The following PITPNM2 variants were observed in gnomAD, a reference collection of about 807,000 sequenced individuals.
PITPNM2 encodes the protein phosphatidylinositol transfer protein membrane associated 2.
A neutral mutation model predicts 132.2 loss-of-function variants in PITPNM2; 35 were observed. That is an observed-to-expected ratio of 0.26 (90% CI 0.20 to 0.35). PITPNM2 has a LOEUF of 0.35. Ranked by LOEUF, PITPNM2 falls within the 10% of genes least tolerant of loss-of-function variation. PITPNM2 has a pLI of 1.00. For missense variants in PITPNM2, 1,332 were observed against 1,912.0 expected, an observed-to-expected ratio of 0.70 and a Z score of 5.66; for synonymous variants, 738 against 799.2, an observed-to-expected ratio of 0.92 and a Z score of 1.29.
chr12:123,137,991 G>A (rs745985787), intron 1 of PITPNM2, among the ~76,000 whole-genome samples: 2 of 152,040 alleles, frequency 1.3e-5, no homozygotes, highest in Non-Finnish European at 2.9e-5. Context: ...TGATGTCTCT[G>A]GGTCCCTAAA....
Position 123,117,304 on chromosome 12 carries a change from G to A in PITPNM2, c.-199-6816C>T, listed in dbSNP as rs1331196021. 3.3e-5 allele frequency among the ~76,000 whole-genome samples: 5 copies of A among 152,198 alleles called. No individual in the cohort carries two copies. Among genetic ancestry groups the A allele is most frequent in the South Asian group, 2.1e-4 (1 of 4,826 alleles). ...TTTCTCCAGTGATCCTACGGAGTAA[G>A]CTGGCCATCAGATGATCAACTCAAG... On this transcript the variant is annotated intron_variant, in intron 1 of 25. Transcript: ENST00000320201. The surrounding 1 kb of genome is among the most constrained non-coding windows in gnomAD (Gnocchi z 4.7).
intron 2 of PITPNM2, among the ~76,000 whole-genome samples, chr12:123,073,689 C>T (rs527799885): frequency 1.3e-5 from 2 of 152,344 alleles, no homozygotes; most frequent in South Asian, 4.1e-4. Flanking sequence ...AAGGGAGCCA[C>T]TCTGCTCCTA....
In PITPNM2 at chr12:123,095,214, G is replaced by A. The variant is rs542214139; in HGVS notation, c.-96+15171C>T. On this transcript the variant is annotated intron_variant, in intron 2 of 25. Transcript: ENST00000320201. The surrounding 1 kb of genome is among the most constrained non-coding windows in gnomAD (Gnocchi z 5.0). ...GAATGGGCTGCTCCCCTGGGGAGTC[G>A]GTTATCTCTGCTCCAGACCCTGGCT... Among the ~76,000 whole-genome samples the A allele has an allele frequency of 3.2e-4, 49 of 152,190 alleles. No individual in the cohort carries two copies. Among genetic ancestry groups the A allele is most frequent in the African/African-American group, 1.1e-3 (44 of 41,522 alleles).
Position 123,058,191 on chromosome 12 carries a change from G to A in PITPNM2, c.-95-23506C>T, listed in dbSNP as rs1023373992. Among the ~76,000 whole-genome samples, 3 of 152,226 alleles carry A rather than the reference G, an allele frequency of 2.0e-5. No homozygotes were observed. The highest frequency in any genetic ancestry group is 4.4e-5 in the Non-Finnish European group (3 of 68,040). ...ACAATTCAGCCAAGGTTGTAGGGCTGCCAGGGAGGTGGTCAGGGTGTATAC... is the reference window on the plus strand; with the variant it reads ...ACAATTCAGCCAAGGTTGTAGGGCTACCAGGGAGGTGGTCAGGGTGTATAC... On this transcript the variant is annotated intron_variant, in intron 2 of 25. Coordinates refer to ENST00000320201, the MANE Select transcript of PITPNM2 (RefSeq NM_020845.3). The surrounding 1 kb of genome is among the most constrained non-coding windows in gnomAD (Gnocchi z 4.0).
At chr12:123,017,271 G>C (rs2039464126) in intron 3 of PITPNM2, among the ~76,000 whole-genome samples, 3 of 151,424 alleles carry the variant, frequency 2.0e-5, no homozygotes. Flanking sequence ...TATTTGGGAG[G>C]CTGAGGCAGG....
At chr12:123,118,743 C>T (rs2042977731) in intron 1 of PITPNM2, among the ~76,000 whole-genome samples, 1 of 152,222 alleles carries the variant, frequency 6.6e-6, no homozygotes, top group African/African-American at 2.4e-5. Context: ...TGCGGCCTGA[C>T]TGGCTCTTAA....
rs962573536 is a variant in PITPNM2, at chr12:123,001,229, C to T, written c.1049-71G>A. On this transcript the variant is annotated intron_variant, in intron 8 of 25. Transcript: ENST00000320201. ...GAAGCCTGGCTTCCCGAGGTGGGGA[C>T]GCCCCTGTGTACGGCTCTGCTCTGA... The T allele has an allele frequency of 8.2e-5, 100 of 1,226,196 alleles. No homozygotes were observed. The African/African-American group carries it at 9.8e-4, about 12-fold the overall frequency. 76.0% of individuals were successfully genotyped at this position (1,226,196 alleles called of 1,614,324 possible).
In PITPNM2 at chr12:123,018,592, G is replaced by A. The variant is rs563752513; in HGVS notation, c.79-4550C>T. Among the ~76,000 whole-genome samples the A allele has an allele frequency of 5.3e-5, 8 of 151,622 alleles. No homozygotes were observed. In the South Asian group the frequency reaches 1.7e-3, roughly 32 times the overall value. On this transcript the variant is annotated intron_variant, in intron 3 of 25. Coordinates refer to ENST00000320201, the MANE Select transcript of PITPNM2 (RefSeq NM_020845.3). ...TGGGATTACAGGCATGAGCCACTAC[G>A]CCCAGACATGCTCAACTAATTAAAA... is the stretch of plus-strand genomic sequence containing the variant.
chr12:123,070,491 C>T (rs752383077), intron 2 of PITPNM2, among the ~76,000 whole-genome samples: 3 of 152,174 alleles, frequency 2.0e-5, no homozygotes, highest in Non-Finnish European at 2.9e-5. Flanking sequence ...AGGTCTGCTC[C>T]TCTGGACAGA....
intron 2 of PITPNM2, among the ~76,000 whole-genome samples, chr12:123,039,621 T>C (rs1055859169): frequency 2.6e-5 from 4 of 152,194 alleles, no homozygotes; most frequent in Non-Finnish European, 5.9e-5. Context: ...GATACTACAA[T>C]GGCGGATGCA....
chr12:123,134,153 C>T (rs567276311), intron 1 of PITPNM2, among the ~76,000 whole-genome samples: 1 of 152,230 alleles, frequency 6.6e-6, no homozygotes, highest in Non-Finnish European at 1.5e-5. Flanking sequence ...GCAACCTCCG[C>T]CTCTGGTTCA....
chr12:123,056,589 G>A (rs569224436), intron 2 of PITPNM2, among the ~76,000 whole-genome samples: 13 of 152,252 alleles, frequency 8.5e-5, no homozygotes, highest in Admixed American at 5.2e-4. Flanking sequence ...TCCTGCTGCC[G>A]GACACGAAGA....
intron 2 of PITPNM2, among the ~76,000 whole-genome samples, chr12:123,065,742 C>G (rs2041389099): frequency 6.6e-6 from 1 of 152,084 alleles, no homozygotes; most frequent in Non-Finnish European, 1.5e-5. Context: ...GGCCTGGGAG[C>G]CTTAGGGGAC....
At chr12:123,062,245 G>A (rs59615440) in intron 2 of PITPNM2, among the ~76,000 whole-genome samples, 5,449 of 152,178 alleles carry the variant, frequency 0.036, 316 homozygotes, top group African/African-American at 0.12. Context: ...TCATCTCTCC[G>A]TCCTTAGATC....
Position 123,150,620 on chromosome 12 carries a change from G to T in PITPNM2, c.-200+133C>A, listed in dbSNP as rs1279983337. On this transcript the variant is annotated intron_variant, in intron 1 of 25. Coordinates refer to ENST00000320201, the MANE Select transcript of PITPNM2 (RefSeq NM_020845.3). The surrounding 1 kb of genome is among the most constrained non-coding windows in gnomAD (Gnocchi z 6.0). ...CCGCTCCCTCCTCCAGCCCCCGGCG[G>T]GCTGGAGGCTCGGCGGGCGGGCGGG... is the stretch of plus-strand genomic sequence containing the variant. 2.0e-5 allele frequency among the ~76,000 whole-genome samples: 3 copies of T among 149,666 alleles called. No homozygotes were observed. Among genetic ancestry groups the T allele is most frequent in the Admixed American group, 2.0e-4 (3 of 15,120 alleles).
At chr12:123,061,049 C>T (rs1431359292) in intron 2 of PITPNM2, among the ~76,000 whole-genome samples, 1 of 152,062 alleles carries the variant, frequency 6.6e-6, no homozygotes, top group African/African-American at 2.4e-5. Context: ...TCCACTGATC[C>T]ATCCACCCAT....
rs1475809243 is a variant in PITPNM2, at chr12:123,000,683, A to C, written c.1224+95T>G. 7.3e-6 allele frequency: 10 copies of C among 1,367,152 alleles called. No individual in the cohort carries two copies. The highest frequency in any genetic ancestry group is 4.3e-5 in the African/African-American group (3 of 69,848). 84.7% of individuals were successfully genotyped at this position (1,367,152 alleles called of 1,614,324 possible). ...GCGTGGAGGTGAGGCTGCCAGGCCC[A>C]GAGTTCCACCTCTGTAACCCCTCAG... On this transcript the variant is annotated intron_variant, in intron 10 of 25. Coordinates refer to ENST00000320201, the MANE Select transcript of PITPNM2 (RefSeq NM_020845.3). This position sits in a 1 kb window ranked among gnomAD's most constrained non-coding sequence, Gnocchi z 5.4.
At chr12:123,130,734 C>T (rs1404332238) in intron 1 of PITPNM2, among the ~76,000 whole-genome samples, 7 of 152,022 alleles carry the variant, frequency 4.6e-5, no homozygotes, top group African/African-American at 1.5e-4. Flanking sequence ...GAGGCGAGAT[C>T]GCACCACTGC....
intron 3 of PITPNM2, among the ~76,000 whole-genome samples, chr12:123,014,622 A>C (rs1399874917): frequency 1.3e-5 from 2 of 152,156 alleles, no homozygotes; most frequent in Non-Finnish European, 2.9e-5. Flanking sequence ...GAATCGCTTG[A>C]ACCCGGGAGG....
Sources: gnomAD v4.1 joint callset for allele counts (sites outside exome capture counted in the v4.1 genomes callset) on GRCh38, gnomAD v4.1.1 for gene constraint, Gnocchi (gnomAD v3.1) non-coding constraint, MANE v1.5 for transcripts, NCBI Gene and HGNC (gene_info 2026-07-23, HGNC 2026-07-21) for gene names.